Variants in NPC1 observed in about 807,000 individuals in gnomAD.
NPC1 encodes the protein Niemann-Pick C1 protein.
Under a neutral mutation model 140.4 loss-of-function variants are expected in NPC1, and 85 were observed. The observed-to-expected ratio is 0.61, with a 90% confidence interval of 0.51 to 0.72. NPC1 has a LOEUF of 0.72. NPC1 is among the 30% of genes least tolerant of loss of function. The probability of loss-of-function intolerance (pLI) is 0.00; values close to 1 mark genes in which losing one functional copy is unlikely to be tolerated. For synonymous variants in NPC1, 656 were observed against 624.8 expected (o/e 1.05, Z -0.74); for missense variants, 1,504 against 1,623.8 (o/e 0.93, Z 1.27).
At position 23,544,943 on chromosome 18, in the gene NPC1, A is replaced by AACCCCCCCCCCC. The variant is rs2058763448; in HGVS notation, c.1947+16_1947+17insGGGGGGGGGGGT. On this transcript the variant is annotated intron_variant, in intron 12 of 24. Transcript: ENST00000269228. ...GCTGTTAACCTCTAGAACATACACC[A>AACCCCCCCCCCC]CCCCCCCCCGGCTTACCAGAAGCCT... 1.0e-4 allele frequency: 106 copies of AACCCCCCCCCCC among 1,042,122 alleles called. 1 individual carries two copies. Among genetic ancestry groups the AACCCCCCCCCCC allele is most frequent in the South Asian group, 3.2e-4 (24 of 74,694 alleles). 64.6% of individuals were successfully genotyped at this position (1,042,122 alleles called of 1,614,324 possible).
In NPC1 at chr18:23,536,612, C is replaced by T. The variant is rs1305130497; in HGVS notation, c.3245+61G>A. 5 of 1,462,670 alleles carry T rather than the reference C, an allele frequency of 3.4e-6. No homozygotes were observed. The East Asian group carries it at 7.1e-5, about 21-fold the overall frequency. The allele number at this position is 1,462,670 out of a possible 1,614,324, so 90.6% of individuals were successfully genotyped here. A position where few individuals can be genotyped will look rare whatever the true frequency, so the allele number is the denominator to read the frequency against. ...AGCATCTTGCCAAGGGAACCCTCCC[C>T]ACTCCCACCCAGTGTAGGCCCTTTG... On this transcript the variant is annotated intron_variant, in intron 21 of 24. Transcript: ENST00000269228.
intron 3 of NPC1, among the ~76,000 whole-genome samples, chr18:23,516,161 C>T (rs947435451): frequency 6.6e-6 from 1 of 152,216 alleles, no homozygotes; most frequent in Non-Finnish European, 1.5e-5. Flanking sequence ...TGGAGCCATT[C>T]ATTCTATGCT....
intron 23 of NPC1, 25 bp downstream of exon 23, chr18:23,534,421 G>C: frequency 6.7e-7 from 1 of 1,486,946 alleles, no homozygotes; most frequent in Non-Finnish European, 9.4e-7. Context: ...GACTCTGCCG[G>C]CGTGGCCCTG....
chr18:23,553,044 G>C (rs900515813), intron 9 of NPC1, among the ~76,000 whole-genome samples: 6 of 152,220 alleles, frequency 3.9e-5, no homozygotes, highest in African/African-American at 1.2e-4. Flanking sequence ...GGAGAGGAAA[G>C]GGGACAGCGC....
downstream of NPC1, chr18:23,527,751 CATG>C (rs1391956152): frequency 6.8e-7 from 1 of 1,478,758 alleles, no homozygotes; most frequent in South Asian, 1.1e-5. Context: ...CTGAAGCTGA[CATG>C]AAGTTGGTTT....
intron 14 of NPC1, 121 bp downstream of exon 14, chr18:23,543,334 A>G (rs866505790): frequency 4.2e-5 from 23 of 545,168 alleles, no homozygotes; most frequent in African/African-American, 3.1e-4. Context: ...GTCTCAGAGA[A>G]AAAAAAAAAA....
At chr18:23,516,875 G>A (rs754965781) in intron 3 of NPC1, among the ~76,000 whole-genome samples, 3 of 151,758 alleles carry the variant, frequency 2.0e-5, no homozygotes, top group East Asian at 3.9e-4. Context: ...ACAAGTGTGC[G>A]TCACCTCGCC....
At chr18:23,515,792 C>T in intron 3 of NPC1, 1 of 1,602,614 alleles carries the variant, frequency 6.2e-7, no homozygotes, top group South Asian at 1.1e-5. Context: ...CTTAGCCTCC[C>T]AAAGTGCTGG....
In NPC1 at chr18:23,539,813, G is replaced by C. The variant is rs1140458; in HGVS notation, c.2793C>G (p.Asn931Lys). The part of the protein sequence containing the change: ...QQIFNAAQLD[N>K]YTRIGFAPSS... ...GTACAAGACAAGGTGGTACTGACTA[G>C]TTGTCCAGCTGCGCCGCGTTAAATA... is the stretch of plus-strand genomic sequence containing the variant. The change falls in exon 18 of 25, where the codon AAC becomes AAG. Residue 931 changes from asparagine to lysine, a missense_variant and splice_region_variant. Physicochemically the swap from Asn to Lys is moderately conservative, Grantham distance 94. Coordinates refer to ENST00000269228, the MANE Select transcript of NPC1 (RefSeq NM_000271.5). The C allele has an allele frequency of 6.2e-7, 1 of 1,613,352 alleles. No individual in the cohort carries two copies. Among genetic ancestry groups the C allele is most frequent in the Non-Finnish European group, 8.5e-7 (1 of 1,179,618 alleles).
Position 23,535,785 on chromosome 18 carries a change from C to G in NPC1, c.3246-85G>C. The G allele has an allele frequency of 4.4e-6, 4 of 904,536 alleles. No homozygotes were observed. The South Asian group carries it at 5.5e-5, about 12-fold the overall frequency. 56.0% of individuals were successfully genotyped at this position (904,536 alleles called of 1,614,324 possible). ...CATCCTGTCACCACTGCCAAGTGGTCAGACTCCTTTGGGAAACATCCCTTG... is the reference window on the plus strand; with the variant it reads ...CATCCTGTCACCACTGCCAAGTGGTGAGACTCCTTTGGGAAACATCCCTTG... On this transcript the variant is annotated intron_variant, in intron 21 of 24. Transcript: ENST00000269228.
chr18:23,543,439 T>A lies in NPC1; in HGVS notation c.2245+16A>T. On this transcript the variant is annotated intron_variant, in intron 14 of 24. Transcript: ENST00000269228. ...TCAGCAGACTACAGGACTGGTAGGA[T>A]TGAAAGCATAATTACCTAAGAAAAA... 6.9e-7 allele frequency: 1 copy of A among 1,445,190 alleles called. No individual in the cohort carries two copies. Among genetic ancestry groups the A allele is most frequent in the African/African-American group, 1.4e-5 (1 of 71,684 alleles). The allele number at this position is 1,445,190 out of a possible 1,614,324, so 89.5% of individuals were successfully genotyped here. A position where few individuals can be genotyped will look rare whatever the true frequency, so the allele number is the denominator to read the frequency against.
chr18:23,585,287 C>G (rs1021225345), intron 1 of NPC1, among the ~76,000 whole-genome samples: 1 of 152,152 alleles, frequency 6.6e-6, no homozygotes, highest in Non-Finnish European at 1.5e-5. Flanking sequence ...CATGTTGCCC[C>G]GGCTGGTCTT....
At chr18:23,519,199 AAAGTT>A (rs1598879018), downstream of NPC1, 1 of 1,598,850 alleles carries the variant, frequency 6.3e-7, no homozygotes, top group Non-Finnish European at 8.6e-7. Context: ...CGTTTCTACC[AAAGTT>A]AAGGTTGCTT....
intron 3 of NPC1, chr18:23,507,151 T>G (rs537441119): frequency 1.8e-5 from 15 of 816,696 alleles, no homozygotes; most frequent in Non-Finnish European, 3.0e-5. Flanking sequence ...AAACTTTTAT[T>G]ATCTTACTGT....
At chr18:23,583,761 A>G (rs1599029788) in intron 1 of NPC1, among the ~76,000 whole-genome samples, 1 of 152,328 alleles carries the variant, frequency 6.6e-6, no homozygotes, top group East Asian at 1.9e-4. Flanking sequence ...ACAAAGGCCT[A>G]TTCAGCGAGT....
intron 22 of NPC1, among the ~76,000 whole-genome samples, chr18:23,534,839 G>T (rs748505111): frequency 1.3e-5 from 2 of 152,180 alleles, no homozygotes; most frequent in African/African-American, 4.8e-5. Flanking sequence ...CACCCGCACC[G>T]AGCTGGCGCA....
chr18:23,529,483 C>A, downstream of NPC1: 1 of 1,243,866 alleles, frequency 8.0e-7, no homozygotes, highest in Non-Finnish European at 1.1e-6. Flanking sequence ...TAATTGTTGA[C>A]GGGTGGTTCT....
rs369368181 is a variant in NPC1, at chr18:23,551,653, G to A, written c.1628C>T (p.Pro543Leu). The change falls in exon 10 of 25, where the codon CCG becomes CTG. Residue 543 changes from proline to leucine, a missense_variant. Physicochemically the swap from Pro to Leu is moderately conservative, Grantham distance 98. Coordinates refer to ENST00000269228, the MANE Select transcript of NPC1 (RefSeq NM_000271.5). ...ATCATAGCCTCCCAACACAAGCCAC[G>A]GGAACACTGGTCCACCAAACGTACC... ...CLGTFGGPVF[P>L]WLVLGGYDDQ... 19 of 1,613,770 alleles carry A rather than the reference G, an allele frequency of 1.2e-5. No individual in the cohort carries two copies. The highest frequency in any genetic ancestry group is 4.5e-5 in the East Asian group (2 of 44,904).
chr18:23,541,822 C>G (rs1488518111), intron 14 of NPC1, among the ~76,000 whole-genome samples: 1 of 152,170 alleles, frequency 6.6e-6, no homozygotes, highest in Admixed American at 6.5e-5. Flanking sequence ...CACTACTAGC[C>G]TCCCAGTTTA....
Sources: allele counts gnomAD v4.1 joint callset (sites outside exome capture counted in the v4.1 genomes callset), GRCh38; gene constraint gnomAD v4.1.1; transcripts MANE v1.5; gene names NCBI Gene and HGNC (gene_info 2026-07-23, HGNC 2026-07-21).